Variants in GUSB observed in about 807,000 individuals in gnomAD.
GUSB encodes glucuronidase beta.
In GUSB, 51 loss-of-function variants were observed where a neutral mutation model predicts 74.6. That is an observed-to-expected ratio of 0.68 (90% CI 0.55 to 0.86). The LOEUF is 0.86. Among genes scored for constraint, GUSB ranks in the 40% least tolerant of loss-of-function variants. The pLI is 0.00. For missense variants in GUSB, 736 were observed against 853.7 expected (o/e 0.86, Z 1.72); for synonymous variants, 360 against 348.3 (o/e 1.03, Z -0.37).
At chr7:65,969,940 G>A (rs1351719180) in intron 9 of GUSB, among the ~76,000 whole-genome samples, 4 of 152,174 alleles carry the variant, frequency 2.6e-5, no homozygotes, top group Non-Finnish European at 4.4e-5. Flanking sequence ...AGCCTCCTTG[G>A]ATTGAGAAAG....
In GUSB at chr7:65,980,356, C is replaced by T. The variant is rs2116042734; in HGVS notation, c.264G>A (p.Gln88=). 3 of 1,613,954 alleles carry T rather than the reference C, an allele frequency of 1.9e-6. No individual in the cohort carries two copies. The East Asian group carries it at 6.7e-5, about 36-fold the overall frequency. The change falls in exon 2 of 12, where the codon CAG becomes CAA. Residue 88 remains glutamine (Q), a synonymous_variant. Transcript: ENST00000304895. ...PVPSSFNDIS[Q]DWRLRHFVGW... is the part of the protein sequence containing the mutation. ...CGACAAAATGCCGCAGACGCCAGTCCTGGCTGATGTCATTGAAGCTGGAGG... is the reference window on the plus strand; with the variant it reads ...CGACAAAATGCCGCAGACGCCAGTCTTGGCTGATGTCATTGAAGCTGGAGG...
intron 11 of GUSB, among the ~76,000 whole-genome samples, chr7:65,963,797 T>A (rs529422118): frequency 6.6e-6 from 1 of 152,290 alleles, no homozygotes; most frequent in African/African-American, 2.4e-5. Context: ...CCTCCCACCC[T>A]GACCTCCCAA....
At chr7:65,967,454 A>G (rs1304010592) in intron 10 of GUSB, among the ~76,000 whole-genome samples, 4 of 152,192 alleles carry the variant, frequency 2.6e-5, no homozygotes, top group Non-Finnish European at 2.9e-5. Context: ...CCGGTCTCAA[A>G]AACAAATACA....
At chr7:65,978,104 C>T (rs936817645) in intron 4 of GUSB, among the ~76,000 whole-genome samples, 13 of 152,200 alleles carry the variant, frequency 8.5e-5, no homozygotes, top group Admixed American at 3.9e-4. Context: ...GCCACCGCGC[C>T]CGCCCTGAAA....
In GUSB at chr7:65,981,970, G is replaced by A. The variant is rs771544866; in HGVS notation, c.210+4C>T. 6.2e-7 allele frequency: 1 copy of A among 1,604,072 alleles called. No homozygotes were observed. Among genetic ancestry groups the A allele is most frequent in the Admixed American group, 1.7e-5 (1 of 59,786 alleles). ...CGCCTCCCGGCCCTGCCCCGAGATC[G>A]CACCTCCCACAGCGGCCGCCGGTAC... On this transcript the variant is annotated splice_donor_region_variant and intron_variant, in intron 1 of 11. Transcript: ENST00000304895.
At chr7:65,976,498 A>G (rs940861223) in intron 4 of GUSB, among the ~76,000 whole-genome samples, 15 of 151,640 alleles carry the variant, frequency 9.9e-5, no homozygotes, top group African/African-American at 3.6e-4. Flanking sequence ...GCGAATTTTT[A>G]TATTTTTAGT....
intron 5 of GUSB, 118 bp downstream of exon 5, chr7:65,975,897 C>A: frequency 4.1e-5 from 28 of 685,410 alleles, no homozygotes; most frequent in South Asian, 1.6e-4. Flanking sequence ...GGGTGAGAAA[C>A]ATCAGAAAGC....
At chr7:65,969,356 G>C (rs1791049547) in intron 9 of GUSB, among the ~76,000 whole-genome samples, 1 of 152,006 alleles carries the variant, frequency 6.6e-6, no homozygotes, top group Admixed American at 6.6e-5. Context: ...TCAAGCCTGG[G>C]CAACAGAGCA....
intron 4 of GUSB, among the ~76,000 whole-genome samples, chr7:65,978,675 G>A (rs1380186769): frequency 1.3e-5 from 2 of 151,172 alleles, no homozygotes; most frequent in African/African-American, 4.9e-5. Flanking sequence ...GGGAGGCTGA[G>A]GCAGGAGAAT....
intron 8 of GUSB, among the ~76,000 whole-genome samples, chr7:65,972,787 C>T (rs12540589): frequency 0.32 from 48,918 of 152,012 alleles, 8,906 homozygotes; most frequent in East Asian, 0.47. Flanking sequence ...TCTTCCCCTT[C>T]GCAACAAAGG....
chr7:65,978,056 C>G (rs979537535), intron 4 of GUSB, among the ~76,000 whole-genome samples: 9 of 152,100 alleles, frequency 5.9e-5, no homozygotes, highest in South Asian at 2.1e-4. Flanking sequence ...GTGATCCCCC[C>G]ACCTTGGCCT....
chr7:65,980,187 C>CA, intron 2 of GUSB, 37 bp downstream of exon 2: 12 of 432,960 alleles, frequency 2.8e-5, no homozygotes, highest in Non-Finnish European at 4.6e-5. Context: ...GCAGCCGTGC[C>CA]CCCCCACCCG....
chr7:65,964,083 C>T, intron 11 of GUSB: 1 of 543,308 alleles, frequency 1.8e-6, no homozygotes, highest in Non-Finnish European at 3.4e-6. Context: ...TTCCGATTCA[C>T]TATAGCTGAC....
chr7:65,969,307 A>AGG (rs1405068593), intron 9 of GUSB, among the ~76,000 whole-genome samples: 4 of 152,126 alleles, frequency 2.6e-5, no homozygotes, highest in Admixed American at 2.6e-4. Context: ...TGAACCTGGG[A>AGG]GGACGAGGTT....
chr7:65,964,167 C>T (rs1420789178), intron 11 of GUSB, 156 bp downstream of exon 11: 3 of 778,828 alleles, frequency 3.9e-6, no homozygotes, highest in Non-Finnish European at 6.8e-6. Flanking sequence ...ACACAACTTA[C>T]TTTTCCTAGA....
At chr7:65,981,124 G>A (rs2116051390) in intron 1 of GUSB, among the ~76,000 whole-genome samples, 1 of 152,202 alleles carries the variant, frequency 6.6e-6, no homozygotes, top group South Asian at 2.1e-4. Flanking sequence ...CCAGTAATCA[G>A]CGCTTTGGGA....
At chr7:65,978,868 C>T (rs373024801) in intron 4 of GUSB, among the ~76,000 whole-genome samples, 94 of 152,262 alleles carry the variant, frequency 6.2e-4, no homozygotes, top group African/African-American at 2.1e-3. Flanking sequence ...CCCTTGACAT[C>T]CCAGGCTCAA....
chr7:65,980,976 G>T lies in GUSB; in HGVS notation c.211-567C>A, dbSNP rs113280671. 2.1e-3 allele frequency: 384 copies of T among 182,398 alleles called. 1 individual carries two copies. Among genetic ancestry groups the T allele is most frequent in the Admixed American group, 3.2e-3 (59 of 18,636 alleles). The allele number at this position is 182,398 out of a possible 1,614,324, so 11.3% of individuals were successfully genotyped here. Reference sequence around the variant, plus strand: ...CCTGATGTCATGTCCTGTCCTCTATGTGAACCTTGAAAACCAAGGGACTTC... The same window carrying T: ...CCTGATGTCATGTCCTGTCCTCTATTTGAACCTTGAAAACCAAGGGACTTC... On this transcript the variant is annotated intron_variant, in intron 1 of 11. Coordinates refer to ENST00000304895, the MANE Select transcript of GUSB (RefSeq NM_000181.4).
intron 1 of GUSB, 58 bp from the exon 2 acceptor site, chr7:65,980,467 G>T: frequency 6.7e-7 from 1 of 1,494,488 alleles, no homozygotes; most frequent in Non-Finnish European, 9.2e-7. Context: ...CAGGACCAGT[G>T]TGCTGCACGG....
Sources: gnomAD v4.1 joint callset for allele counts (sites outside exome capture counted in the v4.1 genomes callset) on GRCh38, gnomAD v4.1.1 for gene constraint, MANE v1.5 for transcripts, NCBI Gene and HGNC (gene_info 2026-07-23, HGNC 2026-07-21) for gene names.